PRKCB: variants seen among roughly 807,000 people sequenced by gnomAD.
The protein encoded by PRKCB is protein kinase C beta type.
In PRKCB, 13 loss-of-function variants were observed where a neutral mutation model predicts 81.5. The observed-to-expected ratio is 0.16, with a 90% CI of 0.10 to 0.25. The LOEUF is 0.25. PRKCB is among the 10% of genes least tolerant of loss of function. The pLI, the probability that PRKCB is intolerant of heterozygous loss-of-function variation, is 1.00. For synonymous variants in PRKCB, 335 were observed against 321.4 expected, an observed-to-expected ratio of 1.04 and a Z score of -0.45; for missense variants, 509 against 875.7, an observed-to-expected ratio of 0.58 and a Z score of 5.29.
Position 24,096,647 on chromosome 16 carries a change from T to C in PRKCB, c.821+2350T>C, listed in dbSNP as rs1381789377. 3.4e-5 allele frequency among the ~76,000 whole-genome samples: 3 copies of C among 87,560 alleles called. No homozygotes were observed. In the East Asian group the frequency reaches 1.1e-3, roughly 32 times the overall value. 57.4% of individuals were successfully genotyped at this position (87,560 alleles called of 152,430 possible). ...TGAAGATTTTATTTTGCTCCCTTCC[T>C]ATGGCAAAAAAAAAAAAAAATATAT... On this transcript the variant is annotated intron_variant, in intron 7 of 16. Coordinates refer to ENST00000643927, the MANE Select transcript of PRKCB (RefSeq NM_002738.7).
intron 5 of PRKCB, among the ~76,000 whole-genome samples, chr16:24,056,163 T>C (rs1220287161): frequency 6.6e-6 from 1 of 152,258 alleles, no homozygotes; most frequent in African/African-American, 2.4e-5. Context: ...CACATCTTCT[T>C]TCTCTTTTCC....
chr16:24,040,405 C>T (rs1965684014), intron 5 of PRKCB, among the ~76,000 whole-genome samples: 1 of 152,156 alleles, frequency 6.6e-6, no homozygotes, highest in Non-Finnish European at 1.5e-5. Context: ...TTAACTCTTC[C>T]TCTCGATCTC....
intron 2 of PRKCB, among the ~76,000 whole-genome samples, chr16:23,907,761 G>A (rs1026815263): frequency 2.0e-5 from 3 of 152,112 alleles, no homozygotes; most frequent in Non-Finnish European, 4.4e-5. Context: ...TCGACTCCGG[G>A]AGGAACAGAG....
chr16:24,126,012 G>T (rs1966843667), intron 9 of PRKCB, among the ~76,000 whole-genome samples: 1 of 152,186 alleles, frequency 6.6e-6, no homozygotes, highest in Non-Finnish European at 1.5e-5. Context: ...AACTAAGCGT[G>T]GGATTAGTAG....
At chr16:24,099,025 A>G (rs1349682860) in intron 7 of PRKCB, 21 of 152,128 alleles carry the variant, frequency 1.4e-4, no homozygotes, top group Non-Finnish European at 2.8e-4. Flanking sequence ...AATCAAACTT[A>G]AAGAGGTTAA....
chr16:23,964,859 A>G (rs995135246), intron 2 of PRKCB, among the ~76,000 whole-genome samples: 3 of 151,948 alleles, frequency 2.0e-5, no homozygotes, highest in Non-Finnish European at 4.4e-5. Flanking sequence ...TAGTAGAGAT[A>G]GGGTTTCATC....
chr16:24,151,880 C>T (rs1013877709), intron 9 of PRKCB: 6 of 455,246 alleles, frequency 1.3e-5, no homozygotes, highest in African/African-American at 1.2e-4. Flanking sequence ...TGTAGGATGT[C>T]CACCCCTGTC....
intron 3 of PRKCB, among the ~76,000 whole-genome samples, chr16:24,030,083 A>G (rs567301345): frequency 5.3e-5 from 8 of 152,064 alleles, no homozygotes; most frequent in Non-Finnish European, 1.2e-4. Flanking sequence ...ATTGTTGTAG[A>G]CATGGGGTCT....
At chr16:24,088,268 T>C (rs533795719) in intron 5 of PRKCB, among the ~76,000 whole-genome samples, 2 of 152,280 alleles carry the variant, frequency 1.3e-5, no homozygotes, top group African/African-American at 4.8e-5. Flanking sequence ...ATGCCAGCAG[T>C]CTCAGGATGC....
At chr16:24,155,032 C>T (rs1967136304) in intron 10 of PRKCB, among the ~76,000 whole-genome samples, 175 bp downstream of exon 10, 1 of 152,238 alleles carries the variant, frequency 6.6e-6, no homozygotes, top group Non-Finnish European at 1.5e-5. Flanking sequence ...CTGAGAAACG[C>T]TCTCCCCTGA....
intron 3 of PRKCB, among the ~76,000 whole-genome samples, chr16:24,028,289 A>G (rs1289208130): frequency 1.3e-5 from 2 of 152,290 alleles, no homozygotes; most frequent in East Asian, 3.9e-4. Context: ...GGGTTTCACC[A>G]TATCGGTCAG....
intron 2 of PRKCB, among the ~76,000 whole-genome samples, chr16:23,888,541 T>C (rs1248766420): frequency 1.3e-5 from 2 of 152,184 alleles, no homozygotes; most frequent in Non-Finnish European, 2.9e-5. Flanking sequence ...GGTAACCATT[T>C]CTTTTTTAAG....
intron 2 of PRKCB, among the ~76,000 whole-genome samples, chr16:23,932,518 G>A (rs150301355): frequency 0.012 from 1,846 of 152,334 alleles, 25 homozygotes; most frequent in South Asian, 0.055. Flanking sequence ...GACTGAACCA[G>A]GTATGGCTCC....
chr16:24,021,015 T>TCCCTCCCTCCCTCCCTCCTTC, intron 3 of PRKCB, among the ~76,000 whole-genome samples: 2 of 137,960 alleles, frequency 1.4e-5, no homozygotes, highest in Non-Finnish European at 3.1e-5. Context: ...TTTCTTTCTT[T>TCCCTCCCTCCCTCCCTCCTTC]CTTTCTTTCT....
chr16:24,006,566 A>G (rs948262250), intron 3 of PRKCB, among the ~76,000 whole-genome samples: 3 of 152,236 alleles, frequency 2.0e-5, no homozygotes, highest in Admixed American at 1.3e-4. Flanking sequence ...TTTGGTTAAC[A>G]TAAGTTGGAA....
chr16:24,006,155 A>G (rs1281559877), intron 3 of PRKCB, among the ~76,000 whole-genome samples: 3 of 152,198 alleles, frequency 2.0e-5, no homozygotes, highest in Non-Finnish European at 2.9e-5. Context: ...TCCTGTTCAC[A>G]TAACACTGCA....
intron 5 of PRKCB, among the ~76,000 whole-genome samples, chr16:24,081,315 GAA>G (rs375989467): frequency 0.015 from 2,207 of 149,844 alleles, 48 homozygotes; most frequent in African/African-American, 0.052. Flanking sequence ...TCTAAAGAAA[GAA>G]AAAAAATTAA....
chr16:23,931,422 G>A (rs912845509), intron 2 of PRKCB, among the ~76,000 whole-genome samples: 6 of 152,208 alleles, frequency 3.9e-5, no homozygotes, highest in African/African-American at 7.2e-5. Context: ...AGACATGTGC[G>A]TGGAGTGAGC....
At chr16:23,930,800 A>G (rs1235330613) in intron 2 of PRKCB, among the ~76,000 whole-genome samples, 4 of 152,162 alleles carry the variant, frequency 2.6e-5, no homozygotes, top group African/African-American at 4.8e-5. Context: ...CATAGATAAC[A>G]TTTAATTTTA....
Sources: gnomAD v4.1 joint callset for allele counts (sites outside exome capture counted in the v4.1 genomes callset) on GRCh38, gnomAD v4.1.1 for gene constraint, MANE v1.5 for transcripts, NCBI Gene and HGNC (gene_info 2026-07-23, HGNC 2026-07-21) for gene names.